The following CYP7B1 variants were observed in gnomAD, a reference collection of about 807,000 sequenced individuals.
CYP7B1 encodes cytochrome P450 family 7 subfamily B member 1, also known as cytochrome P450 7B1.
CYP7B1 carries 29 observed loss-of-function variants against 42.7 expected under a neutral mutation model. The ratio of observed to expected loss-of-function variants is 0.68; its 90% confidence interval spans 0.51 to 0.93. The LOEUF (loss-of-function observed/expected upper bound fraction) is 0.93, where lower values mean the gene tolerates loss of function less well. Among genes scored for constraint, CYP7B1 ranks in the 40% least tolerant of loss-of-function variants. The probability of loss-of-function intolerance (pLI) is 0.00; values close to 1 mark genes in which losing one functional copy is unlikely to be tolerated. For synonymous variants in CYP7B1, 235 were observed against 218.2 expected (o/e 1.08, Z -0.68); for missense variants, 655 against 600.5 (o/e 1.09, Z -0.95).
chr8:64,676,024 T>C (rs1280595730), intron 1 of CYP7B1, among the ~76,000 whole-genome samples: 1 of 151,948 alleles, frequency 6.6e-6, no homozygotes, highest in East Asian at 1.9e-4. Flanking sequence ...CCGGACAGAG[T>C]GCAAGGAACA....
intron 1 of CYP7B1, among the ~76,000 whole-genome samples, chr8:64,791,028 G>A (rs1804608143): frequency 6.6e-6 from 1 of 152,278 alleles, no homozygotes; most frequent in East Asian, 1.9e-4. Flanking sequence ...CACAAGCCAT[G>A]ATATAACATA....
At chr8:64,632,771 A>G (rs962703390) in intron 1 of CYP7B1, among the ~76,000 whole-genome samples, 3 of 152,132 alleles carry the variant, frequency 2.0e-5, no homozygotes, top group Admixed American at 1.3e-4. Flanking sequence ...CTTTCCCATT[A>G]AGATCAGAAA....
At chr8:64,696,457 C>A (rs1346642542) in intron 1 of CYP7B1, among the ~76,000 whole-genome samples, 1 of 152,110 alleles carries the variant, frequency 6.6e-6, no homozygotes, top group Non-Finnish European at 1.5e-5. Context: ...ATTATTTTTA[C>A]CACCTAATCC....
intron 1 of CYP7B1, among the ~76,000 whole-genome samples, chr8:64,730,536 CAT>C: frequency 6.6e-6 from 1 of 152,076 alleles, no homozygotes; most frequent in African/African-American, 2.4e-5. Flanking sequence ...AAAAACATGA[CAT>C]GATTGGTCAT....
intron 1 of CYP7B1, among the ~76,000 whole-genome samples, chr8:64,629,955 A>G (rs1440438105): frequency 2.0e-5 from 3 of 152,168 alleles, no homozygotes; most frequent in African/African-American, 7.2e-5. Context: ...CCTGGTGGGG[A>G]CAAGGAAGCA....
chr8:64,701,163 T>C (rs1263606982), intron 1 of CYP7B1, among the ~76,000 whole-genome samples: 1 of 152,010 alleles, frequency 6.6e-6, no homozygotes, highest in Admixed American at 6.6e-5. Flanking sequence ...AACCCTTTCT[T>C]TGTAACACTC....
At chr8:64,693,360 T>C (rs1456268095) in intron 1 of CYP7B1, among the ~76,000 whole-genome samples, 27 of 152,194 alleles carry the variant, frequency 1.8e-4, no homozygotes, top group Non-Finnish European at 1.5e-5. Context: ...TACAGGCATG[T>C]GTCTTTGTGT....
chr8:64,676,086 A>C (rs1806442028), intron 1 of CYP7B1, among the ~76,000 whole-genome samples: 1 of 152,140 alleles, frequency 6.6e-6, no homozygotes, highest in Middle Eastern at 3.2e-3. Context: ...AATAGATTTC[A>C]AACAAAACAA....
At chr8:64,708,797 T>C (rs1331182632) in intron 1 of CYP7B1, among the ~76,000 whole-genome samples, 1 of 152,176 alleles carries the variant, frequency 6.6e-6, no homozygotes, top group Non-Finnish European at 1.5e-5. Context: ...ATCAGTTACA[T>C]ATAGCAAAAT....
At chr8:64,715,953 AT>A (rs1464582038) in intron 1 of CYP7B1, among the ~76,000 whole-genome samples, 1 of 152,148 alleles carries the variant, frequency 6.6e-6, no homozygotes, top group Non-Finnish European at 1.5e-5. Context: ...CATTATTTCT[AT>A]TTTTTTAAAT....
In CYP7B1 at chr8:64,704,776, C is replaced by A. The variant is rs556874796; in HGVS notation, c.123-80237G>T. 1.7e-4 allele frequency among the ~76,000 whole-genome samples: 26 copies of A among 152,110 alleles called. 1 individual carries two copies. The highest frequency in any genetic ancestry group is 6.3e-4 in the African/African-American group (26 of 41,520). The stretch of plus-strand genomic sequence containing the variant: ...ATGGTCTTGATCACAACTATCACAT[C>A]TTAAAAAATATCCAACAAAATAATA... On this transcript the variant is annotated intron_variant, in intron 1 of 5. Coordinates refer to ENST00000310193, the MANE Select transcript of CYP7B1 (RefSeq NM_004820.5).
chr8:64,794,004 T>C (rs761259283), intron 1 of CYP7B1, among the ~76,000 whole-genome samples: 16 of 148,822 alleles, frequency 1.1e-4, no homozygotes, highest in Non-Finnish European at 1.8e-4. Flanking sequence ...TGCTGAAGAA[T>C]AGGCAAAAGA....
intron 1 of CYP7B1, among the ~76,000 whole-genome samples, chr8:64,666,799 A>C (rs187940235): frequency 4.1e-4 from 63 of 152,348 alleles, no homozygotes; most frequent in African/African-American, 1.2e-3. Flanking sequence ...TCCTTACCAA[A>C]TTACATACAG....
intron 1 of CYP7B1, among the ~76,000 whole-genome samples, chr8:64,686,802 T>G (rs1231290307): frequency 1.4e-5 from 1 of 69,846 alleles, no homozygotes; most frequent in East Asian, 2.5e-4. Context: ...TCCTCTGCCT[T>G]GGGATCCTGT....
intron 1 of CYP7B1, among the ~76,000 whole-genome samples, chr8:64,630,492 C>G (rs1350108662): frequency 6.6e-6 from 1 of 152,200 alleles, no homozygotes; most frequent in Admixed American, 6.5e-5. Context: ...ATTAGTTTTT[C>G]CTTGCTATTC....
At chr8:64,743,502 G>T (rs1195569072) in intron 1 of CYP7B1, among the ~76,000 whole-genome samples, 1 of 152,152 alleles carries the variant, frequency 6.6e-6, no homozygotes. Context: ...CCAAGATCAA[G>T]GTGTCCACAG....
At chr8:64,648,447 T>C (rs911513326) in intron 1 of CYP7B1, among the ~76,000 whole-genome samples, 1 of 152,206 alleles carries the variant, frequency 6.6e-6, no homozygotes, top group African/African-American at 2.4e-5. Flanking sequence ...GATCCCCACA[T>C]GAAAATGCAG....
intron 1 of CYP7B1, among the ~76,000 whole-genome samples, chr8:64,660,751 C>T (rs900734878): frequency 4.6e-5 from 7 of 152,146 alleles, no homozygotes; most frequent in Non-Finnish European, 5.9e-5. Context: ...GGGAGGGGAA[C>T]ATATGAGGCA....
At chr8:64,776,681 C>T (rs1399461042) in intron 1 of CYP7B1, among the ~76,000 whole-genome samples, 1 of 152,090 alleles carries the variant, frequency 6.6e-6, no homozygotes, top group Non-Finnish European at 1.5e-5. Context: ...TTTGAGAAAA[C>T]AGCAGAAGCA....
Sources: allele counts gnomAD v4.1 joint callset (sites outside exome capture counted in the v4.1 genomes callset), GRCh38; gene constraint gnomAD v4.1.1; transcripts MANE v1.5; gene names NCBI Gene and HGNC (gene_info 2026-07-23, HGNC 2026-07-21).